The following TMC1 variants were observed in gnomAD, a reference collection of about 807,000 sequenced individuals.
TMC1 encodes transmembrane channel-like protein 1.
A neutral mutation model predicts 105.8 loss-of-function variants in TMC1; 84 were observed. The ratio of observed to expected loss-of-function variants is 0.79; its 90% CI spans 0.67 to 0.95. TMC1 has a LOEUF of 0.95. Ranked by LOEUF, TMC1 falls within the 40% of genes least tolerant of loss-of-function variation. The probability of loss-of-function intolerance (pLI) is 0.00; values close to 1 mark genes in which losing one functional copy is unlikely to be tolerated. For synonymous variants in TMC1, 315 were observed against 311.5 expected (o/e 1.01, Z -0.12); for missense variants, 817 against 914.1 (o/e 0.89, Z 1.37).
chr9:72,545,133 T>TAC (rs1373611861), intron 1 of TMC1, among the ~76,000 whole-genome samples: 1 of 129,192 alleles, frequency 7.7e-6, no homozygotes, highest in Non-Finnish European at 1.5e-5. Flanking sequence ...TCATGATATA[T>TAC]ATATACACAC....
At chr9:72,541,821 G>T (rs1159928955) in intron 1 of TMC1, among the ~76,000 whole-genome samples, 1 of 152,086 alleles carries the variant, frequency 6.6e-6, no homozygotes, top group African/African-American at 2.4e-5. Context: ...GGTATGACTA[G>T]ACTGAAAGAT....
chr9:72,635,915 T>C (rs769186468), intron 4 of TMC1, among the ~76,000 whole-genome samples: 9 of 152,208 alleles, frequency 5.9e-5, no homozygotes, highest in Non-Finnish European at 8.8e-5. Flanking sequence ...TTATCCTTTC[T>C]ATGGCCATTG....
intron 2 of TMC1, among the ~76,000 whole-genome samples, chr9:72,586,430 G>T (rs1398857786): frequency 6.6e-6 from 1 of 152,186 alleles, no homozygotes; most frequent in Non-Finnish European, 1.5e-5. Context: ...GTTCTGTCCT[G>T]TGTGGATCTG....
Position 72,603,411 on chromosome 9 carries a change from A to ACACACACACACCACACTCCACACG in TMC1, c.-305-12950_-305-12927dup, listed in dbSNP as rs1564438199. Among the ~76,000 whole-genome samples, 51 of 148,960 alleles carry ACACACACACACCACACTCCACACG rather than the reference A, an allele frequency of 3.4e-4. 1 individual carries two copies. The highest frequency in any genetic ancestry group is 1.2e-3 in the African/African-American group (49 of 41,106). ...TACACACACACACACACACACACAC[A>ACACACACACACCACACTCCACACG]CACACACACACCACACTCCACACGC... On this transcript the variant is annotated intron_variant, in intron 2 of 23. Transcript: ENST00000297784.
chr9:72,759,867 C>T (rs186834099), intron 12 of TMC1, among the ~76,000 whole-genome samples: 17 of 152,194 alleles, frequency 1.1e-4, no homozygotes, highest in Admixed American at 9.8e-4. Flanking sequence ...GTATTCCGCC[C>T]GTAATTTTCC....
At chr9:72,552,351 G>A (rs2077809115) in intron 1 of TMC1, among the ~76,000 whole-genome samples, 1 of 152,166 alleles carries the variant, frequency 6.6e-6, no homozygotes, top group African/African-American at 2.4e-5. Context: ...GGTCCAAGCT[G>A]TGAAGGAATC....
At chr9:72,556,211 G>A (rs1823938283) in intron 1 of TMC1, among the ~76,000 whole-genome samples, 1 of 150,982 alleles carries the variant, frequency 6.6e-6, no homozygotes, top group African/African-American at 2.4e-5. Context: ...TCGCCTTCTG[G>A]GTTCAAGGGA....
intron 2 of TMC1, among the ~76,000 whole-genome samples, chr9:72,586,883 G>C (rs1824562052): frequency 6.6e-6 from 1 of 152,144 alleles, no homozygotes; most frequent in Non-Finnish European, 1.5e-5. Context: ...ATCTATTAAG[G>C]CTTTCAAAAT....
At chr9:72,611,386 A>C (rs1243651377) in intron 2 of TMC1, among the ~76,000 whole-genome samples, 1 of 152,220 alleles carries the variant, frequency 6.6e-6, no homozygotes, top group Non-Finnish European at 1.5e-5. Context: ...TAGAGAGGTA[A>C]AGGTTGATAA....
chr9:72,702,298 G>T (rs576834515), intron 8 of TMC1, among the ~76,000 whole-genome samples: 27 of 152,100 alleles, frequency 1.8e-4, no homozygotes, highest in Non-Finnish European at 3.2e-4. Flanking sequence ...ATACCCCCCT[G>T]GTCTTTGCCC....
intron 17 of TMC1, among the ~76,000 whole-genome samples, chr9:72,798,047 G>A (rs1168395438): frequency 6.6e-6 from 1 of 152,070 alleles, no homozygotes; most frequent in Admixed American, 6.6e-5. Context: ...CCATTAAAAA[G>A]TGGGCAAAGG....
At chr9:72,713,158 C>G (rs1826863988) in intron 8 of TMC1, among the ~76,000 whole-genome samples, 2 of 152,142 alleles carry the variant, frequency 1.3e-5, no homozygotes, top group South Asian at 2.1e-4. Flanking sequence ...TTTTGATATG[C>G]TACTGGATTC....
intron 12 of TMC1, among the ~76,000 whole-genome samples, chr9:72,765,842 G>T (rs1827823390): frequency 6.6e-6 from 1 of 152,132 alleles, no homozygotes; most frequent in African/African-American, 2.4e-5. Flanking sequence ...ATTGGGCATA[G>T]GGTCTAGAAT....
At chr9:72,806,023 C>T (rs1828570249) in intron 18 of TMC1, among the ~76,000 whole-genome samples, 1 of 152,092 alleles carries the variant, frequency 6.6e-6, no homozygotes. Flanking sequence ...ACAAAGCCGC[C>T]ATTGTCATCC....
At chr9:72,804,162 C>T (rs149530340) in intron 17 of TMC1, among the ~76,000 whole-genome samples, 1 of 152,236 alleles carries the variant, frequency 6.6e-6, no homozygotes, top group African/African-American at 2.4e-5. Flanking sequence ...TGTTCTCACT[C>T]ATAAGTGAGA....
chr9:72,670,726 T>A lies in TMC1; in HGVS notation c.17-17983T>A, dbSNP rs531269169. Among the ~76,000 whole-genome samples the A allele has an allele frequency of 2.5e-4, 38 of 152,230 alleles. No individual in the cohort carries two copies. In the South Asian group the frequency reaches 7.0e-3, roughly 28 times the overall value. ...AGAAATAAAAAGACAATAAAATATG[T>A]ACAGATGAAAATTACAATATCTGAG... On this transcript the variant is annotated intron_variant, in intron 5 of 23. Transcript: ENST00000297784.
intron 13 of TMC1, among the ~76,000 whole-genome samples, chr9:72,780,113 C>T (rs1427418659): frequency 2.0e-5 from 3 of 152,110 alleles, no homozygotes; most frequent in African/African-American, 7.2e-5. Flanking sequence ...TATTCACCAT[C>T]CTAAAAGAAA....
intron 5 of TMC1, among the ~76,000 whole-genome samples, chr9:72,680,821 G>A (rs1210557117): frequency 6.6e-6 from 1 of 152,122 alleles, no homozygotes; most frequent in Non-Finnish European, 1.5e-5. Flanking sequence ...TGCTACAAAG[G>A]AAGGGTAAAG....
chr9:72,569,663 G>C (rs1183546184), intron 1 of TMC1, among the ~76,000 whole-genome samples: 1 of 152,180 alleles, frequency 6.6e-6, no homozygotes, highest in African/African-American at 2.4e-5. Flanking sequence ...GAGATGACGG[G>C]GCTACAGTGT....
Sources: gnomAD v4.1 joint callset for allele counts (sites outside exome capture counted in the v4.1 genomes callset) on GRCh38, gnomAD v4.1.1 for gene constraint, MANE v1.5 for transcripts, NCBI Gene and HGNC (gene_info 2026-07-23, HGNC 2026-07-21) for gene names.